Variants in RNF128 observed in about 807,000 individuals in gnomAD.
RNF128 encodes ring finger protein 128.
RNF128 carries 13 observed loss-of-function variants against 26.2 expected under a neutral mutation model. The observed-to-expected ratio is 0.50, with a 90% CI of 0.32 to 0.79. RNF128 has a LOEUF of 0.79. RNF128 is among the 30% of genes least tolerant of loss of function. RNF128 has a pLI of 0.03. For missense variants in RNF128, 315 were observed against 349.7 expected, an observed-to-expected ratio of 0.90 and a Z score of 0.79; for synonymous variants, 149 against 142.5, an observed-to-expected ratio of 1.05 and a Z score of -0.32.
At chrX:106,749,763 G>T (rs977587739) in intron 1 of RNF128, among the ~76,000 whole-genome samples, 1 of 110,335 alleles carries the variant, frequency 9.1e-6, no homozygotes, top group Non-Finnish European at 1.9e-5. Flanking sequence ...AAATTACCCG[G>T]GTGTGGTGGT....
At chrX:106,785,951 A>G (rs187296807) in intron 3 of RNF128, among the ~76,000 whole-genome samples, 1 of 111,930 alleles carries the variant, frequency 8.9e-6, no homozygotes, top group Non-Finnish European at 1.9e-5. Flanking sequence ...AACATATACC[A>G]TGTTCATGGG....
intron 1 of RNF128, among the ~76,000 whole-genome samples, chrX:106,752,190 AC>A (rs1407615067): frequency 9.0e-6 from 1 of 110,598 alleles, no homozygotes; most frequent in Non-Finnish European, 1.9e-5. Flanking sequence ...TGATTAAAGA[AC>A]CCTTGGGCCT....
intron 1 of RNF128, among the ~76,000 whole-genome samples, chrX:106,746,934 T>A (rs1477006290): frequency 9.0e-6 from 1 of 111,525 alleles, no homozygotes; most frequent in Non-Finnish European, 1.9e-5. Context: ...TATATACATT[T>A]GTTGTATCAA....
chrX:106,729,330 A>G (rs748583455), intron 1 of RNF128, among the ~76,000 whole-genome samples: 9 of 111,180 alleles, frequency 8.1e-5, no homozygotes, highest in Middle Eastern at 9.3e-3. Flanking sequence ...CCTTGGTAGG[A>G]TTATTTAACT....
chrX:106,713,279 C>G (rs190354740), intron 1 of RNF128, among the ~76,000 whole-genome samples: 6 of 109,827 alleles, frequency 5.5e-5, no homozygotes, highest in African/African-American at 1.3e-4. Flanking sequence ...GAAGCCAAGG[C>G]GGGTGGATTG....
chrX:106,782,203 G>A (rs943206486), intron 2 of RNF128, among the ~76,000 whole-genome samples: 1 of 112,413 alleles, frequency 8.9e-6, no homozygotes. Context: ...ACAGCTTGTT[G>A]CCTAAACCTA....
At chrX:106,753,468 CA>C (rs1037840524) in intron 1 of RNF128, among the ~76,000 whole-genome samples, 1 of 109,564 alleles carries the variant, frequency 9.1e-6, no homozygotes, top group Non-Finnish European at 1.9e-5. Flanking sequence ...ACAGATACAC[CA>C]AAAAATAAAA....
chrX:106,700,185 G>C (rs1001776450), intron 1 of RNF128, among the ~76,000 whole-genome samples: 2 of 109,141 alleles, frequency 1.8e-5, no homozygotes, highest in Non-Finnish European at 3.8e-5. Flanking sequence ...ATCACACCAG[G>C]CAATTTTATT....
Position 106,727,142 on chromosome X carries a change from C to G in RNF128, c.229C>G (p.Leu77Val). The G allele has an allele frequency of 1.7e-6, 2 of 1,209,270 alleles. No homozygotes were observed. The highest frequency in any genetic ancestry group is 2.2e-6 in the Non-Finnish European group (2 of 894,601). ...EEGVYGQDSP[L>V]EPVAGVLVPP... ...GGGCGTGTACGGCCAGGACTCGCCGCTGGAGCCTGTGGCTGGGGTCCTGGT... is the reference window on the plus strand; with the variant it reads ...GGGCGTGTACGGCCAGGACTCGCCGGTGGAGCCTGTGGCTGGGGTCCTGGT... Residue 77 changes from leucine to valine, a missense_variant, in exon 1 of 7, where the codon CTG (leucine) becomes GTG (valine). Physicochemically the swap from Leu to Val is conservative, Grantham distance 32. Transcript: ENST00000255499.
chrX:106,788,342 AATATATAT>A (rs1930698744), intron 4 of RNF128, among the ~76,000 whole-genome samples: 2 of 53,932 alleles, frequency 3.7e-5, no homozygotes, highest in Non-Finnish European at 6.1e-5. Flanking sequence ...TACTATATAT[AATATATAT>A]TATATACTAT....
intron 1 of RNF128, among the ~76,000 whole-genome samples, chrX:106,721,586 T>G (rs1035650426): frequency 8.9e-6 from 1 of 111,847 alleles, no homozygotes; most frequent in African/African-American, 3.3e-5. Context: ...TGTGGTAGGA[T>G]TTGAAGAATT....
At chrX:106,788,914 G>C (rs1192013538) in intron 4 of RNF128, among the ~76,000 whole-genome samples, 2 of 64,381 alleles carry the variant, frequency 3.1e-5, no homozygotes, top group African/African-American at 6.2e-5. Context: ...ACTATATACT[G>C]AGTATATATA....
chrX:106,717,656 C>T (rs1929240899), intron 1 of RNF128, among the ~76,000 whole-genome samples: 2 of 112,110 alleles, frequency 1.8e-5, no homozygotes, highest in South Asian at 7.4e-4. Context: ...ATCACTGAAA[C>T]TCCAAAATAG....
At chrX:106,771,668 T>C (rs1930374236) in intron 1 of RNF128, among the ~76,000 whole-genome samples, 1 of 112,712 alleles carries the variant, frequency 8.9e-6, no homozygotes, top group South Asian at 3.6e-4. Flanking sequence ...TTCCCTTTGC[T>C]AGGAAAGGGA....
intron 4 of RNF128, among the ~76,000 whole-genome samples, chrX:106,788,355 T>C (rs1930701175): frequency 2.0e-5 from 1 of 50,585 alleles, no homozygotes; most frequent in Non-Finnish European, 3.2e-5. Flanking sequence ...ATATATTATA[T>C]ACTATATATA....
intron 1 of RNF128, among the ~76,000 whole-genome samples, chrX:106,720,636 C>T (rs1459281349): frequency 9.0e-6 from 1 of 110,752 alleles, no homozygotes; most frequent in Admixed American, 9.7e-5. Context: ...TAATGTTCTC[C>T]CTATGTATGT....
At chrX:106,696,626 G>GA (rs1302934972) in intron 1 of RNF128, among the ~76,000 whole-genome samples, 3 of 110,645 alleles carry the variant, frequency 2.7e-5, no homozygotes, top group African/African-American at 9.9e-5. Flanking sequence ...CACCTTTTCA[G>GA]AAAATCACAC....
At chrX:106,702,089 C>T (rs1296763306) in intron 1 of RNF128, among the ~76,000 whole-genome samples, 8 of 109,847 alleles carry the variant, frequency 7.3e-5, no homozygotes, top group African/African-American at 2.7e-4. Context: ...CACACAAATG[C>T]CCAGGTGCCC....
At chrX:106,784,123 T>C (rs758353599) in intron 2 of RNF128, among the ~76,000 whole-genome samples, 1 of 112,185 alleles carries the variant, frequency 8.9e-6, no homozygotes, top group Admixed American at 9.5e-5. Flanking sequence ...ATGTATATTA[T>C]ATTCACTTGA....
Sources: gnomAD v4.1 joint callset for allele counts (sites outside exome capture counted in the v4.1 genomes callset) on GRCh38, gnomAD v4.1.1 for gene constraint, MANE v1.5 for transcripts, NCBI Gene and HGNC (gene_info 2026-07-23, HGNC 2026-07-21) for gene names.